TBCD: variants seen among roughly 807,000 people sequenced by gnomAD.
TBCD encodes the protein tubulin folding cofactor D.
A neutral mutation model predicts 169.3 loss-of-function variants in TBCD; 105 were observed. The observed-to-expected ratio is 0.62, with a 90% CI of 0.53 to 0.73. The LOEUF is 0.73. TBCD is among the 30% of genes least tolerant of loss of function. TBCD has a pLI of 0.00. For synonymous variants in TBCD, 700 were observed against 643.9 expected, an observed-to-expected ratio of 1.09 and a Z score of -1.32; for missense variants, 1,444 against 1,600.1, an observed-to-expected ratio of 0.90 and a Z score of 1.66.
chr17:82,938,358 A>T (rs1176670143), intron 36 of TBCD, among the ~76,000 whole-genome samples: 2 of 152,132 alleles, frequency 1.3e-5, no homozygotes, highest in South Asian at 2.1e-4. Flanking sequence ...GTTTCTATGG[A>T]CATACATTGA....
At chr17:82,829,284 C>T (rs2053259212) in intron 13 of TBCD, among the ~76,000 whole-genome samples, 1 of 145,896 alleles carries the variant, frequency 6.9e-6, no homozygotes, top group Non-Finnish European at 1.5e-5. Context: ...CAGACATGCA[C>T]ACCCACATGG....
chr17:82,900,760 A>G (rs1233072928), intron 18 of TBCD, 29 bp downstream of exon 18: 2 of 1,565,822 alleles, frequency 1.3e-6, no homozygotes, highest in Non-Finnish European at 8.8e-7. Context: ...TTTTTCTAAG[A>G]GCTTTTTTTC....
chr17:82,843,277 C>T (rs1022775191), intron 13 of TBCD, among the ~76,000 whole-genome samples: 2 of 126,346 alleles, frequency 1.6e-5, no homozygotes, highest in Non-Finnish European at 3.6e-5. Flanking sequence ...GTGTTCCCTT[C>T]CCTTCCCCTC....
In TBCD at chr17:82,884,364, T is replaced by A. The variant is rs1029412614; in HGVS notation, c.1533+162T>A. ...CAGCTGCGGGCAGGCCACTGGTTCT[T>A]ACTGTCTCTGGGCGTCTTCAGCGTG... On this transcript the variant is annotated intron_variant, in intron 15 of 38. Coordinates refer to ENST00000355528, the MANE Select transcript of TBCD (RefSeq NM_005993.5). This position sits in a 1 kb window ranked among gnomAD's most constrained non-coding sequence, Gnocchi z 4.2. Among the ~76,000 whole-genome samples the A allele has an allele frequency of 2.6e-5, 4 of 152,200 alleles. No homozygotes were observed. Among genetic ancestry groups the A allele is most frequent in the African/African-American group, 7.2e-5 (3 of 41,454 alleles).
chr17:82,921,464 T>G, intron 24 of TBCD, 37 bp from the exon 25 acceptor site: 1 of 1,581,718 alleles, frequency 6.3e-7, no homozygotes, highest in Non-Finnish European at 8.7e-7. Flanking sequence ...CATGGTGTTT[T>G]TGATTGCCTG....
intron 13 of TBCD, chr17:82,840,248 C>T (rs2054356266): frequency 6.6e-6 from 1 of 152,228 alleles, no homozygotes; most frequent in Non-Finnish European, 1.5e-5. Context: ...TCGGTGCTGC[C>T]TGGACGGCCA....
chr17:82,817,543 C>G (rs184022617), intron 13 of TBCD, among the ~76,000 whole-genome samples: 3 of 152,186 alleles, frequency 2.0e-5, no homozygotes, highest in African/African-American at 4.8e-5. Flanking sequence ...GCGATCCCCC[C>G]GCTTCAGCCT....
At chr17:82,868,404 C>T (rs1056782414) in intron 13 of TBCD, among the ~76,000 whole-genome samples, 1 of 152,146 alleles carries the variant, frequency 6.6e-6, no homozygotes, top group East Asian at 1.9e-4. Context: ...TCCCCCGGGC[C>T]TCTGTGTGCA....
At chr17:82,780,387 C>T (rs1218852471) in intron 6 of TBCD, among the ~76,000 whole-genome samples, 3 of 152,072 alleles carry the variant, frequency 2.0e-5, no homozygotes, top group Admixed American at 6.5e-5. Context: ...GTCTGTTCTC[C>T]GTGTGGCAGT....
At chr17:82,770,576 G>A (rs1161693362) in intron 5 of TBCD, among the ~76,000 whole-genome samples, 1 of 150,178 alleles carries the variant, frequency 6.7e-6, no homozygotes, top group Non-Finnish European at 1.5e-5. Flanking sequence ...TCCACCCTGG[G>A]CAACAAGAGT....
intron 13 of TBCD, among the ~76,000 whole-genome samples, chr17:82,815,438 C>T (rs999035981): frequency 2.6e-5 from 4 of 152,336 alleles, no homozygotes; most frequent in South Asian, 2.1e-4. Flanking sequence ...ATGAGGCTCA[C>T]GCCAGCGTGA....
Position 82,921,529 on chromosome 17 carries a change from T to C in TBCD, c.2130T>C (p.Thr710=). Residue 710 remains threonine, a synonymous_variant, in exon 25 of 39, where the codon ACT becomes ACC. Coordinates refer to ENST00000355528, the MANE Select transcript of TBCD (RefSeq NM_005993.5). ...IDGWQWLIND[T]LRHLHLISSH... ...GTTGGCAATGGCTGATAAATGACAC[T>C]TTGAGACATCTCCATCTCATCTCAA... is the stretch of plus-strand genomic sequence containing the variant. The C allele has an allele frequency of 6.2e-7, 1 of 1,614,006 alleles. No homozygotes were observed. Among genetic ancestry groups the C allele is most frequent in the Non-Finnish European group, 8.5e-7 (1 of 1,179,892 alleles).
At chr17:82,863,548 G>A (rs2056944239) in intron 13 of TBCD, among the ~76,000 whole-genome samples, 1 of 152,224 alleles carries the variant, frequency 6.6e-6, no homozygotes, top group African/African-American at 2.4e-5. Context: ...CGGGTAGGGT[G>A]CAGGCAGTGT....
chr17:82,808,911 A>G (rs1416419927), intron 11 of TBCD, among the ~76,000 whole-genome samples: 1 of 131,902 alleles, frequency 7.6e-6, no homozygotes, highest in Non-Finnish European at 1.6e-5. Context: ...AGGCAGGTGG[A>G]GGGGATAAGG....
intron 1 of TBCD, among the ~76,000 whole-genome samples, chr17:82,755,530 C>T (rs2047357438): frequency 6.6e-6 from 1 of 152,156 alleles, no homozygotes; most frequent in Non-Finnish European, 1.5e-5. Flanking sequence ...AATTTGGTGT[C>T]TTATTGCTAC....
intron 16 of TBCD, 57 bp from the exon 17 acceptor site, chr17:82,893,490 G>A (rs2059285307): frequency 7.4e-7 from 1 of 1,360,030 alleles, no homozygotes; most frequent in African/African-American, 1.4e-5. Flanking sequence ...TGAACTTGGT[G>A]AAATGCCTTT....
At position 82,789,068 on chromosome 17, in the gene TBCD, C is replaced by T. The variant is rs1466002736; in HGVS notation, c.771+7347C>T. Among the ~76,000 whole-genome samples, 3 of 152,190 alleles carry T rather than the reference C, an allele frequency of 2.0e-5. No homozygotes were observed. Among genetic ancestry groups the T allele is most frequent in the Non-Finnish European group, 4.4e-5 (3 of 68,040 alleles). ...TGGTCCTTTTTAGTTGTAGTGCTCT[C>T]TTGGGGCAAGGTTTTGGATGGAGAA... On this transcript the variant is annotated intron_variant, in intron 7 of 38. Transcript: ENST00000355528. The surrounding 1 kb of genome is among the most constrained non-coding windows in gnomAD (Gnocchi z 4.8).
chr17:82,758,062 G>C (rs2047498392), intron 2 of TBCD, among the ~76,000 whole-genome samples: 1 of 152,026 alleles, frequency 6.6e-6, no homozygotes, highest in Non-Finnish European at 1.5e-5. Context: ...AGAGTACTGC[G>C]AATGATTTTT....
intron 17 of TBCD, among the ~76,000 whole-genome samples, chr17:82,895,229 C>G (rs566835951): frequency 6.6e-6 from 1 of 152,248 alleles, no homozygotes; most frequent in Non-Finnish European, 1.5e-5. Context: ...CTTGTGAGGA[C>G]GCACCGGCAG....
Sources: allele counts gnomAD v4.1 joint callset (sites outside exome capture counted in the v4.1 genomes callset), GRCh38; gene constraint gnomAD v4.1.1; non-coding constraint Gnocchi (gnomAD v3.1); transcripts MANE v1.5; gene names NCBI Gene and HGNC (gene_info 2026-07-23, HGNC 2026-07-21).